BLK: variants seen among roughly 807,000 people sequenced by gnomAD.
BLK encodes the protein tyrosine-protein kinase Blk.
BLK carries 64 observed loss-of-function variants against 61.8 expected under a neutral mutation model. The observed-to-expected ratio is 1.03, with a 90% CI of 0.85 to 1.27. The LOEUF is 1.27. Among genes scored for constraint, BLK ranks in the 50% most tolerant of loss-of-function variants. The probability of loss-of-function intolerance (pLI) is 0.00; values close to 1 mark genes in which losing one functional copy is unlikely to be tolerated. For synonymous variants in BLK, 351 were observed against 272.0 expected, an observed-to-expected ratio of 1.29 and a Z score of -2.86; for missense variants, 853 against 660.5, an observed-to-expected ratio of 1.29 and a Z score of -3.19.
intron 1 of BLK, among the ~76,000 whole-genome samples, chr8:11,533,681 G>T (rs115385327): frequency 0.01 from 1,563 of 150,788 alleles, 23 homozygotes; most frequent in African/African-American, 0.036. Flanking sequence ...GAGATGGGGA[G>T]GGGGAGGATC....
At chr8:11,517,774 G>T (rs1799284877) in intron 1 of BLK, among the ~76,000 whole-genome samples, 1 of 152,344 alleles carries the variant, frequency 6.6e-6, no homozygotes, top group Non-Finnish European at 1.5e-5. Context: ...CACCCATGGT[G>T]CAGCCCTGGT....
At chr8:11,547,375 G>T (rs540161407) in intron 3 of BLK, among the ~76,000 whole-genome samples, 37 of 152,370 alleles carry the variant, frequency 2.4e-4, no homozygotes, top group Non-Finnish European at 4.7e-4. Context: ...TTCATCAGGT[G>T]GGTCCTGTGG....
At chr8:11,514,667 C>G (rs958341485) in intron 1 of BLK, among the ~76,000 whole-genome samples, 3 of 152,172 alleles carry the variant, frequency 2.0e-5, no homozygotes, top group Admixed American at 2.0e-4. Flanking sequence ...TCGAGTAGCC[C>G]GTGAGCCTGC....
At chr8:11,533,508 G>A (rs553348819) in intron 1 of BLK, among the ~76,000 whole-genome samples, 37 of 151,886 alleles carry the variant, frequency 2.4e-4, no homozygotes, top group Non-Finnish European at 4.3e-4. Flanking sequence ...AACCTCCGTG[G>A]GAAAGACCAA....
At chr8:11,560,595 G>T in intron 10 of BLK, 1 of 331,938 alleles carries the variant, frequency 3.0e-6, no homozygotes. Context: ...CAGCTAAAAG[G>T]TGCCAAGTAG....
intron 1 of BLK, among the ~76,000 whole-genome samples, chr8:11,496,819 A>T (rs1267385670): frequency 6.6e-6 from 1 of 152,186 alleles, no homozygotes; most frequent in Non-Finnish European, 1.5e-5. Flanking sequence ...AGTGGCTGTG[A>T]GCTGGGCTCG....
At chr8:11,518,055 T>C (rs918310090) in intron 1 of BLK, among the ~76,000 whole-genome samples, 2 of 152,126 alleles carry the variant, frequency 1.3e-5, no homozygotes, top group Admixed American at 1.3e-4. Flanking sequence ...CAGAGCTCAC[T>C]CTGCAGAAGA....
intron 1 of BLK, among the ~76,000 whole-genome samples, chr8:11,512,612 GA>G (rs1799060169): frequency 6.6e-6 from 1 of 152,168 alleles, no homozygotes; most frequent in Non-Finnish European, 1.5e-5. Context: ...TTGAGGCTCA[GA>G]GAGATTTTAA....
At chr8:11,558,301 G>A (rs973335844) in intron 10 of BLK, among the ~76,000 whole-genome samples, 2 of 152,216 alleles carry the variant, frequency 1.3e-5, no homozygotes, top group African/African-American at 2.4e-5. Flanking sequence ...GTTGGAATGA[G>A]GCTATTCTGT....
intron 6 of BLK, among the ~76,000 whole-genome samples, chr8:11,553,970 C>T (rs1368575869): frequency 6.6e-6 from 1 of 152,100 alleles, no homozygotes; most frequent in African/African-American, 2.4e-5. Context: ...GGCGCGGACT[C>T]GGGGAACCGG....
At chr8:11,546,152 G>A in intron 3 of BLK, 49 bp downstream of exon 3, 1 of 1,603,532 alleles carries the variant, frequency 6.2e-7, no homozygotes, top group African/African-American at 1.3e-5. Context: ...CTCTCCCCTA[G>A]GTGGCAGCTT....
At chr8:11,539,209 C>T (rs541667614) in intron 1 of BLK, among the ~76,000 whole-genome samples, 15 of 152,240 alleles carry the variant, frequency 9.9e-5, no homozygotes, top group South Asian at 2.1e-4. Flanking sequence ...AACATATCTA[C>T]ACGCCTGAAT....
chr8:11,547,733 G>A (rs1409850050), intron 3 of BLK, among the ~76,000 whole-genome samples: 2 of 152,060 alleles, frequency 1.3e-5, no homozygotes, highest in African/African-American at 4.8e-5. Flanking sequence ...GAGGCCACCA[G>A]CAGCCCGGCA....
chr8:11,541,496 CTCTCT>C lies in BLK; in HGVS notation c.-1-1726_-1-1722del, dbSNP rs750956365. Among the ~76,000 whole-genome samples the C allele has an allele frequency of 3.5e-5, 5 of 141,448 alleles. No homozygotes were observed. In the South Asian group the frequency reaches 1.2e-3, roughly 34 times the overall value. 92.8% of individuals were successfully genotyped at this position (141,448 alleles called of 152,430 possible). A position where few individuals can be genotyped will look rare whatever the true frequency, so the allele number is the denominator to read the frequency against. ...GCCGCAATACAAACCCATCGTCTCT[CTCTCT>C]TTTTTTTTTTTTTCGAGATGGAGTC... is the stretch of plus-strand genomic sequence containing the variant. On this transcript the variant is annotated intron_variant, in intron 1 of 12. Transcript: ENST00000259089.
chr8:11,556,530 A>G (rs1305115125), intron 8 of BLK, 128 bp from the exon 9 acceptor site: 2 of 1,139,080 alleles, frequency 1.8e-6, no homozygotes, highest in Non-Finnish European at 2.6e-6. Flanking sequence ...GGCCTCCGGA[A>G]CTGCATGTTC....
chr8:11,561,975 C>T (rs774685130), intron 11 of BLK, among the ~76,000 whole-genome samples: 7 of 152,104 alleles, frequency 4.6e-5, no homozygotes, highest in South Asian at 2.1e-4. Context: ...TGTGCCACTA[C>T]ACCTGGCTAA....
chr8:11,555,815 C>T (rs1472081346), intron 8 of BLK: 1 of 394,822 alleles, frequency 2.5e-6, no homozygotes, highest in African/African-American at 2.1e-5. Flanking sequence ...TTTCATCACC[C>T]AGATGGAAAC....
intron 1 of BLK, among the ~76,000 whole-genome samples, chr8:11,538,252 G>A (rs1800220234): frequency 6.6e-6 from 1 of 152,192 alleles, no homozygotes; most frequent in African/African-American, 2.4e-5. Flanking sequence ...GCCATCTGGA[G>A]CCCCAGCCAG....
chr8:11,551,488 T>C, intron 6 of BLK, among the ~76,000 whole-genome samples: 1 of 152,172 alleles, frequency 6.6e-6, no homozygotes, highest in Non-Finnish European at 1.5e-5. Flanking sequence ...AAAGGCTCTG[T>C]CTCCACATAT....
Sources: allele counts gnomAD v4.1 joint callset (sites outside exome capture counted in the v4.1 genomes callset), GRCh38; gene constraint gnomAD v4.1.1; transcripts MANE v1.5; gene names NCBI Gene and HGNC (gene_info 2026-07-23, HGNC 2026-07-21).